ADGRA2: variants seen among roughly 807,000 people sequenced by gnomAD.
The protein encoded by ADGRA2 is G-protein coupled receptor 124.
ADGRA2 carries 61 observed loss-of-function variants against 98.7 expected under a neutral mutation model. The observed-to-expected ratio is 0.62, with a 90% CI of 0.50 to 0.76. The LOEUF (loss-of-function observed/expected upper bound fraction) is 0.76, where lower values mean the gene tolerates loss of function less well. ADGRA2 is among the 30% of genes least tolerant of loss of function. ADGRA2 has a pLI of 0.00. For synonymous variants in ADGRA2, 858 were observed against 831.5 expected, an observed-to-expected ratio of 1.03 and a Z score of -0.55; for missense variants, 1,712 against 1,860.0, an observed-to-expected ratio of 0.92 and a Z score of 1.46.
At chr8:37,809,018 T>G (rs1804752503) in intron 1 of ADGRA2, among the ~76,000 whole-genome samples, 1 of 152,154 alleles carries the variant, frequency 6.6e-6, no homozygotes, top group African/African-American at 2.4e-5. Flanking sequence ...AGATGGGATT[T>G]CACCATGTTG....
intron 2 of ADGRA2, among the ~76,000 whole-genome samples, chr8:37,817,172 G>A (rs531667482): frequency 6.6e-6 from 1 of 152,322 alleles, no homozygotes; most frequent in Non-Finnish European, 1.5e-5. Context: ...CCGAAGCTGG[G>A]AGGAAAGAGT....
At chr8:37,813,217 G>A (rs1201578060) in intron 1 of ADGRA2, among the ~76,000 whole-genome samples, 2 of 152,060 alleles carry the variant, frequency 1.3e-5, no homozygotes, top group Admixed American at 1.3e-4. Flanking sequence ...GACAGAGCAA[G>A]ACCTCATCTC....
chr8:37,828,481 CTTTT>C (rs35779657), intron 2 of ADGRA2, among the ~76,000 whole-genome samples: 1 of 82,986 alleles, frequency 1.2e-5, no homozygotes, highest in Non-Finnish European at 2.2e-5. Flanking sequence ...GGGGGTGGTT[CTTTT>C]TTTTTTTTTT....
Position 37,841,616 on chromosome 8 carries a change from A to G in ADGRA2, c.3278A>G (p.His1093Arg), listed in dbSNP as rs1216485029. ...CCCCCTGCCTCTCCCGCGGCCCCCC[A>G]TGCCCCGCCCCGGGCCCTGCCCGCC... ...CCPPASPAAP[H>R]APPRALPAAA... Residue 1093 changes from histidine to arginine, a missense_variant, in exon 19 of 19, where the codon CAT becomes CGT. Transcript: ENST00000412232. This position sits in a 1 kb window ranked among gnomAD's most constrained non-coding sequence, Gnocchi z 5.0. 2 of 1,547,950 alleles carry G rather than the reference A, an allele frequency of 1.3e-6. No homozygotes were observed. The highest frequency in any genetic ancestry group is 8.7e-7 in the Non-Finnish European group (1 of 1,146,386).
At chr8:37,819,745 A>G (rs1459101363) in intron 2 of ADGRA2, among the ~76,000 whole-genome samples, 1 of 151,658 alleles carries the variant, frequency 6.6e-6, no homozygotes, top group Non-Finnish European at 1.5e-5. Flanking sequence ...ATCTTGGCTC[A>G]CTGCAACCTC....
Position 37,830,688 on chromosome 8 carries a change from C to A in ADGRA2, c.719-22C>A. On this transcript the variant is annotated intron_variant, in intron 6 of 18. Transcript: ENST00000412232. The surrounding 1 kb of genome is among the most constrained non-coding windows in gnomAD (Gnocchi z 4.8). ...CACATGCGTGTGCACTCGGGCCTCA[C>A]GCCTGGTGTCTCCTCCCACAGAGGG... 6.5e-7 allele frequency: 1 copy of A among 1,541,820 alleles called. No individual in the cohort carries two copies.
At chr8:37,828,473 G>A (rs1283011382) in intron 2 of ADGRA2, among the ~76,000 whole-genome samples, 2 of 146,820 alleles carry the variant, frequency 1.4e-5, no homozygotes, top group Non-Finnish European at 3.0e-5. Context: ...CTGTCCGAGG[G>A]GGTGGTTCTT....
In ADGRA2 at chr8:37,797,369, C is replaced by T; in HGVS notation, c.101C>T (p.Ala34Val). 7.0e-7 allele frequency: 1 copy of T among 1,423,680 alleles called. No homozygotes were observed. The highest frequency in any genetic ancestry group is 9.2e-7 in the Non-Finnish European group (1 of 1,090,086). The allele number at this position is 1,423,680 out of a possible 1,614,324, so 88.2% of individuals were successfully genotyped here. A position where few individuals can be genotyped will look rare whatever the true frequency, so the allele number is the denominator to read the frequency against. The part of the protein sequence containing the change: ...LLLLAPEARG[A>V]PGCPLSIRSC... ...CTCCTGGCGCCCGAGGCTCGGGGCG[C>T]GCCCGGCTGCCCGCTATCCATCCGC... is the stretch of plus-strand genomic sequence containing the variant. The change falls in exon 1 of 19, where the codon GCG becomes GTG. Residue 34 changes from alanine to valine, a missense_variant. Ala to Val is a moderately conservative substitution (Grantham distance 64, BLOSUM62 0). Coordinates refer to ENST00000412232, the MANE Select transcript of ADGRA2 (RefSeq NM_032777.10). The surrounding 1 kb of genome is among the most constrained non-coding windows in gnomAD (Gnocchi z 5.3).
At chr8:37,835,816 T>C (rs1454793341) in intron 13 of ADGRA2, 46 bp downstream of exon 13, 1 of 1,230,290 alleles carries the variant, frequency 8.1e-7, no homozygotes, top group South Asian at 1.2e-5. Flanking sequence ...CTCTCGTGTG[T>C]CCGCCCTGTT....
At chr8:37,799,020 G>A (rs1407407931) in intron 1 of ADGRA2, among the ~76,000 whole-genome samples, 1 of 152,210 alleles carries the variant, frequency 6.6e-6, no homozygotes, top group African/African-American at 2.4e-5. Context: ...TAGTTCTGGA[G>A]GAGAAAAATG....
intron 2 of ADGRA2, among the ~76,000 whole-genome samples, chr8:37,828,448 G>T (rs150560722): frequency 7.3e-5 from 11 of 151,660 alleles, no homozygotes; most frequent in African/African-American, 2.2e-4. Context: ...TGGTAGCCAG[G>T]GAGGCGGAGG....
Position 37,844,412 on chromosome 8 carries a change from G to A in ADGRA2, c.*2057G>A. 1 of 1,550,670 alleles carries A rather than the reference G, an allele frequency of 6.4e-7. No homozygotes were observed. Among genetic ancestry groups the A allele is most frequent in the Non-Finnish European group, 8.8e-7 (1 of 1,141,516 alleles). ...AGAAAAGCAATACCTACGGACTGGT[G>A]TACACTTCCATCCTTGGTTATAACA... On this transcript the variant is annotated 3_prime_UTR_variant, in exon 19 of 19. Transcript: ENST00000412232.
intron 1 of ADGRA2, among the ~76,000 whole-genome samples, chr8:37,810,818 A>G (rs188032935): frequency 2.0e-5 from 3 of 152,122 alleles, no homozygotes; most frequent in Non-Finnish European, 4.4e-5. Flanking sequence ...TATGTTCTCA[A>G]AATGAACTTT....
In ADGRA2 at chr8:37,828,011, G is replaced by A. The variant is rs181404352; in HGVS notation, c.339-877G>A. On this transcript the variant is annotated intron_variant, in intron 2 of 18. Transcript: ENST00000412232. Reference sequence around the variant, plus strand: ...TTTTTAAATTAGCGGGTGTGGTGGCGCACACCTGTGGTGCCAGTTGCTTGG... The same window carrying A: ...TTTTTAAATTAGCGGGTGTGGTGGCACACACCTGTGGTGCCAGTTGCTTGG... Among the ~76,000 whole-genome samples, 290 of 151,912 alleles carry A rather than the reference G, an allele frequency of 1.9e-3. 1 individual carries two copies. The highest frequency in any genetic ancestry group is 6.5e-3 in the African/African-American group (268 of 41,384).
rs1429852243 is a variant in ADGRA2 at position 37,841,289 on chromosome 8, C to T, written c.2951C>T (p.Pro984Leu). Residue 984 changes from proline (P) to leucine (L), a missense_variant, in exon 19 of 19, where the codon CCC becomes CTC. Coordinates refer to ENST00000412232, the MANE Select transcript of ADGRA2 (RefSeq NM_032777.10). This position sits in a 1 kb window ranked among gnomAD's most constrained non-coding sequence, Gnocchi z 5.0. ...RGSTRLRGSG[P>L]LLSDSGSLLA... ...TCCACCAGGCTCAGGGGCAGCGGCC[C>T]CCTCCTGAGTGACTCAGGTTCCCTT... 1.2e-6 allele frequency: 2 copies of T among 1,610,362 alleles called. No homozygotes were observed. Among genetic ancestry groups the T allele is most frequent in the Non-Finnish European group, 1.7e-6 (2 of 1,178,300 alleles).
At chr8:37,826,568 G>A (rs1318779754) in intron 2 of ADGRA2, among the ~76,000 whole-genome samples, 2 of 151,316 alleles carry the variant, frequency 1.3e-5, no homozygotes, top group Non-Finnish European at 2.9e-5. Flanking sequence ...GAGGCCGGCT[G>A]AGTCCTTCGA....
chr8:37,834,217 C>T lies in ADGRA2; in HGVS notation c.1608+89C>T, dbSNP rs1805544565. On this transcript the variant is annotated intron_variant, in intron 11 of 18. Coordinates refer to ENST00000412232, the MANE Select transcript of ADGRA2 (RefSeq NM_032777.10). The surrounding 1 kb of genome is among the most constrained non-coding windows in gnomAD (Gnocchi z 4.2). ...CGTGCACCTGCCGTGCCCCAGCTAG[C>T]AAGAGCAGCAGACGTGACAAAGTTC... 7.4e-6 allele frequency: 9 copies of T among 1,219,232 alleles called. No homozygotes were observed. Among genetic ancestry groups the T allele is most frequent in the Non-Finnish European group, 1.0e-5 (9 of 877,658 alleles). The allele number at this position is 1,219,232 out of a possible 1,614,324, so 75.5% of individuals were successfully genotyped here. A position where few individuals can be genotyped will look rare whatever the true frequency, so the allele number is the denominator to read the frequency against.
At chr8:37,826,941 A>G (rs1425743471) in intron 2 of ADGRA2, among the ~76,000 whole-genome samples, 1 of 152,110 alleles carries the variant, frequency 6.6e-6, no homozygotes, top group Non-Finnish European at 1.5e-5. Context: ...GGCCTGGGAA[A>G]GCAAGTGGGC....
chr8:37,830,028 C>G lies in ADGRA2; in HGVS notation c.718+14C>G. 6.7e-7 allele frequency: 1 copy of G among 1,502,480 alleles called. No individual in the cohort carries two copies. The highest frequency in any genetic ancestry group is 8.9e-7 in the Non-Finnish European group (1 of 1,121,742). 93.1% of individuals were successfully genotyped at this position (1,502,480 alleles called of 1,614,324 possible). ...AGCTCTGCTGCGGTGAGCAAGTCCC[C>G]CCAGCTACACATCTCCCAGGGACCC... On this transcript the variant is annotated intron_variant, in intron 6 of 18. Transcript: ENST00000412232. This position sits in a 1 kb window ranked among gnomAD's most constrained non-coding sequence, Gnocchi z 4.8.
Sources: allele counts gnomAD v4.1 joint callset (sites outside exome capture counted in the v4.1 genomes callset), GRCh38; gene constraint gnomAD v4.1.1; non-coding constraint Gnocchi (gnomAD v3.1); transcripts MANE v1.5; gene names NCBI Gene and HGNC (gene_info 2026-07-23, HGNC 2026-07-21).